GALNT13: variants seen among roughly 807,000 people sequenced by gnomAD.
GALNT13 encodes the protein polypeptide N-acetylgalactosaminyltransferase 13.
In GALNT13, 28 loss-of-function variants were observed where a neutral mutation model predicts 64.2. The ratio of observed to expected loss-of-function variants is 0.44; its 90% CI spans 0.32 to 0.60. The LOEUF (loss-of-function observed/expected upper bound fraction) is 0.60. GALNT13 is among the 20% of genes least tolerant of loss of function. GALNT13 has a pLI of 0.05. For missense variants in GALNT13, 577 were observed against 669.8 expected, an observed-to-expected ratio of 0.86 and a Z score of 1.53; for synonymous variants, 214 against 224.6, an observed-to-expected ratio of 0.95 and a Z score of 0.42.
chr2:153,661,222 A>G, the GALNT13 span, among the ~76,000 whole-genome samples: 159 of 152,240 alleles, frequency 1.0e-3, no homozygotes, highest in Non-Finnish European at 8.8e-4. Context: ...GAATCACGGA[A>G]TATTATCTTG....
the GALNT13 span, among the ~76,000 whole-genome samples, chr2:153,658,774 C>T: frequency 1.4e-5 from 1 of 72,152 alleles, no homozygotes; most frequent in Non-Finnish European, 3.0e-5. Context: ...AACTGCCAGA[C>T]TTTGCTTGCT....
intron 3 of GALNT13, among the ~76,000 whole-genome samples, chr2:154,067,074 T>C (rs1700507492): frequency 6.6e-6 from 1 of 152,094 alleles, no homozygotes. Context: ...AGTGTCAAGT[T>C]GTCATCAGTT....
At chr2:153,632,385 T>C in the GALNT13 span, among the ~76,000 whole-genome samples, 83 of 152,306 alleles carry the variant, frequency 5.4e-4, no homozygotes, top group African/African-American at 1.9e-3. Context: ...CTAAAGTCTA[T>C]AGTTTACATT....
chr2:153,786,398 A>C, the GALNT13 span, among the ~76,000 whole-genome samples: 3 of 151,998 alleles, frequency 2.0e-5, no homozygotes, highest in African/African-American at 7.2e-5. Flanking sequence ...ATGACTGTGG[A>C]CCAGTCACCC....
chr2:153,108,340 C>T, the GALNT13 span, among the ~76,000 whole-genome samples: 1 of 151,950 alleles, frequency 6.6e-6, no homozygotes, highest in Non-Finnish European at 1.5e-5. Flanking sequence ...GTGTATACTG[C>T]AGTTGGGGAG....
the GALNT13 span, among the ~76,000 whole-genome samples, chr2:153,677,573 T>A: frequency 2.0e-5 from 3 of 151,958 alleles, no homozygotes; most frequent in Non-Finnish European, 4.4e-5. Context: ...ACAATTTATA[T>A]GGAACCAAAA....
At chr2:153,643,932 C>T in the GALNT13 span, among the ~76,000 whole-genome samples, 3 of 151,894 alleles carry the variant, frequency 2.0e-5, no homozygotes, top group East Asian at 1.9e-4. Flanking sequence ...AACTTCATAA[C>T]GAATAACAAG....
In GALNT13 at chr2:154,269,906, G is replaced by GTGTATATATATATATATATA. The variant is rs529424469; in HGVS notation, c.975+10769_975+10770insGTATATATATATATATATAT. ...GTCATATATATATTTATATATATGTGTATATATATATATATATATTTCTAA... is the reference window on the plus strand; with the variant it reads ...GTCATATATATATTTATATATATGTGTGTATATATATATATATATATATATATATATATATATATTTCTAA... On this transcript the variant is annotated intron_variant, in intron 8 of 12. Coordinates refer to ENST00000392825, the MANE Select transcript of GALNT13 (RefSeq NM_052917.4). 4.0e-3 allele frequency among the ~76,000 whole-genome samples: 390 copies of GTGTATATATATATATATATA among 96,840 alleles called. 11 individuals are homozygous for GTGTATATATATATATATATA. Among genetic ancestry groups the GTGTATATATATATATATATA allele is most frequent in the African/African-American group, 9.3e-3 (258 of 27,676 alleles). 63.5% of individuals were successfully genotyped at this position (96,840 alleles called of 152,430 possible). A position where few individuals can be genotyped will look rare whatever the true frequency, so the allele number is the denominator to read the frequency against.
intron 3 of GALNT13, among the ~76,000 whole-genome samples, chr2:154,063,435 T>TGG (rs1294002245): frequency 1.3e-5 from 2 of 152,332 alleles, no homozygotes; most frequent in African/African-American, 4.8e-5. Context: ...CACAGATTTG[T>TGG]AATACTAGGT....
the GALNT13 span, among the ~76,000 whole-genome samples, chr2:153,072,902 C>G: frequency 6.6e-6 from 1 of 152,178 alleles, no homozygotes; most frequent in African/African-American, 2.4e-5. Context: ...ACGGTTTGCA[C>G]TATCTTCTAT....
chr2:154,400,079 C>T (rs1356245520), intron 10 of GALNT13, among the ~76,000 whole-genome samples: 3 of 152,142 alleles, frequency 2.0e-5, no homozygotes, highest in African/African-American at 7.2e-5. Flanking sequence ...TTCAATTTTG[C>T]ATGGCCACGT....
At chr2:153,599,201 C>G in the GALNT13 span, among the ~76,000 whole-genome samples, 1 of 151,958 alleles carries the variant, frequency 6.6e-6, no homozygotes, top group Non-Finnish European at 1.5e-5. Context: ...TTGGGATATC[C>G]ATTATCTTAA....
At chr2:153,560,429 C>A in the GALNT13 span, among the ~76,000 whole-genome samples, 35 of 151,876 alleles carry the variant, frequency 2.3e-4, no homozygotes, top group East Asian at 4.4e-3. Context: ...TAAAAAAAAA[C>A]ATTCATCCAT....
chr2:153,373,079 C>G, the GALNT13 span, among the ~76,000 whole-genome samples: 1 of 151,772 alleles, frequency 6.6e-6, no homozygotes, highest in South Asian at 2.1e-4. Context: ...TGGTCATTCT[C>G]TTTTTCTTTT....
intron 3 of GALNT13, among the ~76,000 whole-genome samples, chr2:154,098,010 A>T (rs1305964610): frequency 6.6e-6 from 1 of 151,884 alleles, no homozygotes; most frequent in African/African-American, 2.4e-5. Context: ...AGACGTGACC[A>T]AACTCTGGAG....
chr2:153,916,697 A>G (rs1689372858), intron 2 of GALNT13, among the ~76,000 whole-genome samples: 1 of 152,212 alleles, frequency 6.6e-6, no homozygotes, highest in African/African-American at 2.4e-5. Flanking sequence ...TAGTCAAGAA[A>G]TGGTATATTT....
Position 154,438,680 on chromosome 2 carries a change from A to C in GALNT13, c.1484A>C (p.Lys495Thr). 6.2e-7 allele frequency: 1 copy of C among 1,612,024 alleles called. No homozygotes were observed. Among genetic ancestry groups the C allele is most frequent in the Non-Finnish European group, 8.5e-7 (1 of 1,178,274 alleles). ...CTCAATGGACCTGTAATCATGTTAA[A>C]ATGCCACCATATGAGAGGAAATCAG... ...SRLNGPVIML[K>T]CHHMRGNQLW... is the part of the protein sequence containing the mutation. Residue 495 changes from lysine to threonine, a missense_variant, in exon 12 of 13, where the codon AAA (lysine) becomes ACA (threonine). Lys to Thr is a moderately conservative substitution (Grantham distance 78). Coordinates refer to ENST00000392825, the MANE Select transcript of GALNT13 (RefSeq NM_052917.4).
At chr2:153,499,401 C>T in the GALNT13 span, among the ~76,000 whole-genome samples, 1 of 152,264 alleles carries the variant, frequency 6.6e-6, no homozygotes, top group East Asian at 1.9e-4. Flanking sequence ...GGAAAAAGTC[C>T]CGTAAGTTCT....
At chr2:153,762,434 A>G in the GALNT13 span, 1 of 152,646 alleles carries the variant, frequency 6.6e-6, no homozygotes. Flanking sequence ...CAGCCCTCTT[A>G]TTTACCTGTT....
Sources: gnomAD v4.1 joint callset for allele counts (sites outside exome capture counted in the v4.1 genomes callset) on GRCh38, gnomAD v4.1.1 for gene constraint, MANE v1.5 for transcripts, NCBI Gene and HGNC (gene_info 2026-07-23, HGNC 2026-07-21) for gene names.